Variants in PTGER3 observed in about 807,000 individuals in gnomAD.
PTGER3 encodes the protein prostaglandin E receptor 3, also known as prostaglandin E2 receptor EP3 subtype.
A neutral mutation model predicts 34.7 loss-of-function variants in PTGER3; 22 were observed. That is an observed-to-expected ratio of 0.63 (90% confidence interval 0.45 to 0.91). The LOEUF (loss-of-function observed/expected upper bound fraction) is 0.91, where lower values mean the gene tolerates loss of function less well. PTGER3 is among the 40% of genes least tolerant of loss of function. PTGER3 has a pLI of 0.00. For synonymous variants in PTGER3, 241 were observed against 230.1 expected, an observed-to-expected ratio of 1.05 and a Z score of -0.43; for missense variants, 468 against 519.4, an observed-to-expected ratio of 0.90 and a Z score of 0.96.
chr1:70,982,110 G>C (rs647921), intron 2 of PTGER3, among the ~76,000 whole-genome samples: 122,202 of 152,096 alleles, frequency 0.8, 49,244 homozygotes, highest in East Asian at 0.96. Flanking sequence ...AAAGCTAGGT[G>C]CCTAGGAAAA....
rs563514932 is a variant in PTGER3, at chr1:70,959,810, G to T, written c.1078-6021C>A. ...CTTTATGATTTTGGAGTTTAGATTTGGTTTCCTCCCTCTATGAACCCTCCT... is the reference window on the plus strand; with the variant it reads ...CTTTATGATTTTGGAGTTTAGATTTTGTTTCCTCCCTCTATGAACCCTCCT... On this transcript the variant is annotated intron_variant, in intron 2 of 3. Transcript: ENST00000356595. 7.2e-5 allele frequency among the ~76,000 whole-genome samples: 11 copies of T among 151,962 alleles called. No homozygotes were observed. The South Asian group carries it at 2.3e-3, about 32-fold the overall frequency.
intron 4 of PTGER3, among the ~76,000 whole-genome samples, chr1:70,858,426 T>C (rs1463119028): frequency 6.6e-6 from 1 of 152,212 alleles, no homozygotes; most frequent in Non-Finnish European, 1.5e-5. Context: ...ACCTCGTTTC[T>C]GTTGGTATAG....
chr1:71,046,366 A>ACTTCTAGCT (rs986146809), intron 1 of PTGER3, among the ~76,000 whole-genome samples: 1 of 151,996 alleles, frequency 6.6e-6, no homozygotes, highest in African/African-American at 2.4e-5. Context: ...CTCAGGACAA[A>ACTTCTAGCT]CTTCTAGCTC....
chr1:70,989,939 G>A (rs1655278594), intron 2 of PTGER3, among the ~76,000 whole-genome samples: 1 of 150,924 alleles, frequency 6.6e-6, no homozygotes, highest in African/African-American at 2.4e-5. Flanking sequence ...ATATATACAT[G>A]TATTTGTAAA....
chr1:70,924,252 T>A (rs778853876), intron 4 of PTGER3, among the ~76,000 whole-genome samples: 1 of 152,226 alleles, frequency 6.6e-6, no homozygotes, highest in Non-Finnish European at 1.5e-5. Flanking sequence ...AAATATTTAT[T>A]CTTGCTATAC....
rs3044618 is a variant in PTGER3, at chr1:70,983,284, G to GAA, written c.1078-8898_1078-8897dup. Among the ~76,000 whole-genome samples the GAA allele has an allele frequency of 5.0e-3, 740 of 148,228 alleles. 6 individuals are homozygous for GAA. Among genetic ancestry groups the GAA allele is most frequent in the South Asian group, 7.2e-3 (34 of 4,720 alleles). ...TGTGCTTGAGTTTTTTAATTAATCT[G>GAA]AAAAAAAAAACAACGGAACTTTCTA... On this transcript the variant is annotated intron_variant, in intron 2 of 3. Transcript: ENST00000306666.
At chr1:70,966,518 C>T (rs1050982187), downstream of PTGER3, among the ~76,000 whole-genome samples, 1 of 152,044 alleles carries the variant, frequency 6.6e-6, no homozygotes, top group Non-Finnish European at 1.5e-5. Flanking sequence ...ATGCACAAAA[C>T]GTGCAGGTTT....
At chr1:70,864,506 C>T (rs1260765951) in intron 4 of PTGER3, among the ~76,000 whole-genome samples, 2 of 152,184 alleles carry the variant, frequency 1.3e-5, no homozygotes, top group Admixed American at 1.3e-4. Context: ...CAGGGATTTA[C>T]TGGGTCTTAC....
At chr1:70,981,003 A>G (rs553223617) in intron 2 of PTGER3, among the ~76,000 whole-genome samples, 23 of 152,190 alleles carry the variant, frequency 1.5e-4, no homozygotes, top group Non-Finnish European at 3.2e-4. Context: ...AAGGAAGATT[A>G]GTATCAGGAA....
intron 1 of PTGER3, among the ~76,000 whole-genome samples, chr1:71,025,131 C>CCCTT (rs3044608): frequency 0.21 from 25,784 of 124,150 alleles, 2,850 homozygotes; most frequent in East Asian, 0.34. Context: ...AGATTCCAGG[C>CCCTT]CCTTCCTTCC....
At chr1:70,861,405 G>C (rs114678445) in intron 4 of PTGER3, among the ~76,000 whole-genome samples, 1,603 of 152,254 alleles carry the variant, frequency 0.011, 15 homozygotes, top group Non-Finnish European at 0.017. Context: ...AGCACAACCT[G>C]TAAATGTTGA....
intron 4 of PTGER3, among the ~76,000 whole-genome samples, chr1:70,870,765 A>G (rs1646145849): frequency 1.3e-5 from 2 of 152,208 alleles, no homozygotes. Context: ...TTTGCTAAGG[A>G]ATAACAAGGG....
At chr1:70,985,248 C>T (rs1321779738) in intron 2 of PTGER3, among the ~76,000 whole-genome samples, 1 of 152,102 alleles carries the variant, frequency 6.6e-6, no homozygotes, top group African/African-American at 2.4e-5. Flanking sequence ...TACACAGGCT[C>T]ATGAGGTGTC....
chr1:71,009,388 T>C, intron 2 of PTGER3: 3 of 979,332 alleles, frequency 3.1e-6, no homozygotes, highest in Non-Finnish European at 3.6e-6. Flanking sequence ...ATTAAACACT[T>C]ACATTTACCT....
chr1:70,901,749 A>C (rs192456588), intron 4 of PTGER3, among the ~76,000 whole-genome samples: 1 of 152,346 alleles, frequency 6.6e-6, no homozygotes, highest in East Asian at 1.9e-4. Context: ...TACCACATAC[A>C]GCATTGGTAA....
At chr1:70,921,004 C>T (rs1201689035) in intron 4 of PTGER3, among the ~76,000 whole-genome samples, 1 of 152,314 alleles carries the variant, frequency 6.6e-6, no homozygotes, top group Middle Eastern at 3.4e-3. Context: ...GCAGTGCTAT[C>T]ACTGTTAAAA....
chr1:70,974,239 T>G, intron 3 of PTGER3, 58 bp downstream of exon 3: 1 of 1,598,132 alleles, frequency 6.3e-7, no homozygotes, highest in East Asian at 2.2e-5. Context: ...CAACTCCGAT[T>G]AGAACAGAGA....
downstream of PTGER3, among the ~76,000 whole-genome samples, chr1:70,965,959 G>C (rs1652473150): frequency 6.6e-6 from 1 of 152,130 alleles, no homozygotes; most frequent in African/African-American, 2.4e-5. Context: ...TGCATCTAAA[G>C]AGATTTAGCA....
rs1464107528 is a variant in PTGER3 at position 70,953,772 on chromosome 1, G to A, written c.1095C>T (p.Leu365=). The change falls in exon 3 of 4, where the codon CTC becomes CTT. Residue 365 remains leucine (L), a synonymous_variant. Transcript: ENST00000356595. ...TATCTTTGCAACTTACTTGCTCTCTGAGTCTTCTTTTTCTCATCTGAAAAA... is the reference window on the plus strand; with the variant it reads ...TATCTTTGCAACTTACTTGCTCTCTAAGTCTTCTTTTTCTCATCTGAAAAA... The A allele has an allele frequency of 8.2e-6, 12 of 1,471,702 alleles. No homozygotes were observed. The Admixed American group carries it at 2.8e-4, about 34-fold the overall frequency. The allele number at this position is 1,471,702 out of a possible 1,614,324, so 91.2% of individuals were successfully genotyped here.
Sources: allele counts gnomAD v4.1 joint callset (sites outside exome capture counted in the v4.1 genomes callset), GRCh38; gene constraint gnomAD v4.1.1; transcripts MANE v1.5; gene names NCBI Gene and HGNC (gene_info 2026-07-23, HGNC 2026-07-21).